Variants in PTPRN2 observed in about 807,000 individuals in gnomAD.
PTPRN2 encodes the protein receptor-type tyrosine-protein phosphatase N2.
Under a neutral mutation model 118.8 loss-of-function variants are expected in PTPRN2, and 74 were observed. That is an observed-to-expected ratio of 0.62 (90% CI 0.52 to 0.76). The LOEUF (loss-of-function observed/expected upper bound fraction) is 0.76, where lower values mean the gene tolerates loss of function less well. Among genes scored for constraint, PTPRN2 ranks in the 30% least tolerant of loss-of-function variants. The pLI is 0.00. For missense variants in PTPRN2, 1,481 were observed against 1,394.4 expected (o/e 1.06, Z -0.99); for synonymous variants, 641 against 608.0 (o/e 1.05, Z -0.80).
At chr7:158,294,496 A>C (rs1800328937) in intron 3 of PTPRN2, among the ~76,000 whole-genome samples, 1 of 152,150 alleles carries the variant, frequency 6.6e-6, no homozygotes, top group African/African-American at 2.4e-5. Context: ...CAGACGTTCC[A>C]TTTCTTCCAT....
intron 2 of PTPRN2, among the ~76,000 whole-genome samples, chr7:158,421,861 G>T (rs932207601): frequency 6.6e-6 from 1 of 152,122 alleles, no homozygotes; most frequent in Non-Finnish European, 1.5e-5. Context: ...TTCTAATAAA[G>T]AATTTTTATT....
chr7:158,500,206 T>G (rs1309218878), intron 1 of PTPRN2, among the ~76,000 whole-genome samples: 1 of 152,210 alleles, frequency 6.6e-6, no homozygotes, highest in African/African-American at 2.4e-5. Context: ...CAATTGTTAC[T>G]ACAGTTTCCC....
Position 157,881,438 on chromosome 7 carries a change from A to AG in PTPRN2, c.1788+17234dup, listed in dbSNP as rs914565114. On this transcript the variant is annotated intron_variant, in intron 12 of 22. Transcript: ENST00000389418. The surrounding 1 kb of genome is among the most constrained non-coding windows in gnomAD (Gnocchi z 4.7). ...CAGGAGAGAGGCCTTGGGAGAGACC[A>AG]GCCCTGCCCACACCTTGATCTTGGA... 5.9e-5 allele frequency among the ~76,000 whole-genome samples: 9 copies of AG among 152,156 alleles called. No homozygotes were observed. The highest frequency in any genetic ancestry group is 1.9e-4 in the African/African-American group (8 of 41,414).
At position 157,901,905 on chromosome 7, in the gene PTPRN2, TGGGTCCTGAGGCGGGGCCTTCCCGTCC is replaced by T. The variant is rs1228841643; in HGVS notation, c.1724-3195_1724-3169del. 7.2e-4 allele frequency among the ~76,000 whole-genome samples: 98 copies of T among 137,000 alleles called. 2 individuals are homozygous for T. Among genetic ancestry groups the T allele is most frequent in the African/African-American group, 3.3e-3 (94 of 28,712 alleles). The allele number at this position is 137,000 out of a possible 152,430, so 89.9% of individuals were successfully genotyped here. On this transcript the variant is annotated intron_variant, in intron 11 of 22. Coordinates refer to ENST00000389418, the MANE Select transcript of PTPRN2 (RefSeq NM_002847.5). ...GCGGGGCCTTCCCGTCCGTGTTTCC[TGGGTCCTGAGGCGGGGCCTTCCCGTCC>T]GTGTTTCCTGGGTCCTGAGGCGGGG...
intron 12 of PTPRN2, among the ~76,000 whole-genome samples, chr7:157,824,363 A>C (rs1414283885): frequency 6.6e-6 from 1 of 152,122 alleles, no homozygotes; most frequent in Non-Finnish European, 1.5e-5. Flanking sequence ...CTGAAGCCTT[A>C]ATTAGCAGGT....
At chr7:158,554,843 T>G (rs1013115253) in intron 1 of PTPRN2, among the ~76,000 whole-genome samples, 4 of 152,122 alleles carry the variant, frequency 2.6e-5, no homozygotes, top group African/African-American at 9.7e-5. Flanking sequence ...CATAGCCATC[T>G]CTGCCCCAAA....
chr7:157,697,669 C>T (rs1797863784), intron 12 of PTPRN2, among the ~76,000 whole-genome samples: 1 of 148,596 alleles, frequency 6.7e-6, no homozygotes, highest in Non-Finnish European at 1.5e-5. Flanking sequence ...AGAGCCCTCA[C>T]CGTCTACCCA....
intron 12 of PTPRN2, among the ~76,000 whole-genome samples, chr7:157,891,594 A>G (rs1369822992): frequency 6.6e-6 from 1 of 151,540 alleles, no homozygotes; most frequent in Non-Finnish European, 1.5e-5. Context: ...TATCATGGCA[A>G]ATTCACATTT....
At chr7:158,431,742 A>ACATACTGGCT (rs1816211484) in intron 2 of PTPRN2, among the ~76,000 whole-genome samples, 3 of 144,398 alleles carry the variant, frequency 2.1e-5, no homozygotes, top group African/African-American at 7.9e-5. Context: ...CACACTGGCC[A>ACATACTGGCT]CACACTGGCT....
chr7:158,294,154 G>C (rs1197782903), intron 3 of PTPRN2, among the ~76,000 whole-genome samples: 1 of 152,194 alleles, frequency 6.6e-6, no homozygotes, highest in African/African-American at 2.4e-5. Context: ...CACAAGGTCA[G>C]TCGGTGACAG....
chr7:158,487,672 G>GC (rs1821126036), intron 2 of PTPRN2, among the ~76,000 whole-genome samples: 2 of 152,146 alleles, frequency 1.3e-5, no homozygotes, highest in South Asian at 4.2e-4. Context: ...ACTCGCAGCC[G>GC]CCCCCCACCG....
intron 12 of PTPRN2, among the ~76,000 whole-genome samples, chr7:157,755,337 C>G (rs1167369305): frequency 6.6e-6 from 1 of 152,148 alleles, no homozygotes; most frequent in Non-Finnish European, 1.5e-5. Context: ...CAAACAGTAG[C>G]TTCTGATGAT....
rs79194673 is a variant in PTPRN2 at position 158,113,851 on chromosome 7, G to A, written c.1557-2936C>T. On this transcript the variant is annotated intron_variant, in intron 9 of 22. Coordinates refer to ENST00000389418, the MANE Select transcript of PTPRN2 (RefSeq NM_002847.5). ...AGGACTTCGAGGCACGTAGCAATCC[G>A]GGACCAGCTGGGGCACAGGCCGCCT... Among the ~76,000 whole-genome samples the A allele has an allele frequency of 6.5e-3, 989 of 152,238 alleles. 28 individuals carry two copies. In the East Asian group the frequency reaches 0.099, roughly 15 times the overall value.
intron 14 of PTPRN2, among the ~76,000 whole-genome samples, chr7:157,640,715 C>T (rs181141540): frequency 9.9e-5 from 15 of 152,256 alleles, no homozygotes; most frequent in Non-Finnish European, 1.3e-4. Flanking sequence ...AACCACCATC[C>T]GACCAGCAAC....
intron 3 of PTPRN2, among the ~76,000 whole-genome samples, chr7:158,250,492 T>C (rs1796585213): frequency 1.3e-5 from 2 of 151,974 alleles, no homozygotes; most frequent in Admixed American, 6.6e-5. Context: ...TAACCCAGAC[T>C]CAGGTTTTGC....
intron 2 of PTPRN2, among the ~76,000 whole-genome samples, chr7:158,329,365 C>G (rs1803937551): frequency 6.6e-6 from 1 of 152,198 alleles, no homozygotes; most frequent in Non-Finnish European, 1.5e-5. Context: ...CCTTAAACCC[C>G]CACCCCAAGC....
intron 6 of PTPRN2, among the ~76,000 whole-genome samples, chr7:158,146,720 C>CA (rs1380414832): frequency 0.091 from 7,804 of 85,816 alleles, 450 homozygotes; most frequent in African/African-American, 0.1. Flanking sequence ...GACTCTGCCT[C>CA]AAAAAAAAAA....
intron 12 of PTPRN2, among the ~76,000 whole-genome samples, chr7:157,732,090 C>T (rs1348409146): frequency 5.4e-5 from 4 of 73,578 alleles, no homozygotes; most frequent in South Asian, 4.7e-4. Flanking sequence ...GCACAGTTAC[C>T]CTTTCCCGTC....
chr7:158,005,266 G>A (rs956343609), intron 11 of PTPRN2, among the ~76,000 whole-genome samples: 1 of 151,670 alleles, frequency 6.6e-6, no homozygotes, highest in Non-Finnish European at 1.5e-5. Flanking sequence ...TAGAGATGGG[G>A]TTTCTCCATG....
Sources: allele counts gnomAD v4.1 joint callset (sites outside exome capture counted in the v4.1 genomes callset), GRCh38; gene constraint gnomAD v4.1.1; non-coding constraint Gnocchi (gnomAD v3.1); transcripts MANE v1.5; gene names NCBI Gene and HGNC (gene_info 2026-07-23, HGNC 2026-07-21).